Variants in COL12A1 observed in about 807,000 individuals in gnomAD.
COL12A1 encodes collagen alpha-1(XII) chain.
In COL12A1, 114 loss-of-function variants were observed where a neutral mutation model predicts 349.7. The ratio of observed to expected loss-of-function variants is 0.33; its 90% CI spans 0.28 to 0.38. COL12A1 has a LOEUF of 0.38. Ranked by LOEUF, COL12A1 falls within the 10% of genes least tolerant of loss-of-function variation. The pLI, the probability that COL12A1 is intolerant of heterozygous loss-of-function variation, is 1.00. For synonymous variants in COL12A1, 1,369 were observed against 1,329.0 expected (o/e 1.03, Z -0.66); for missense variants, 3,284 against 3,756.9 (o/e 0.87, Z 3.29).
At chr6:75,134,466 G>A (rs1401740703) in intron 32 of COL12A1, among the ~76,000 whole-genome samples, 1 of 151,940 alleles carries the variant, frequency 6.6e-6, no homozygotes, top group African/African-American at 2.4e-5. Flanking sequence ...AGCTATTCGG[G>A]AGCCTGAGAC....
In COL12A1 at chr6:75,110,052, G is replaced by A. The variant is rs753863060; in HGVS notation, c.7951-885C>T. On this transcript the variant is annotated intron_variant, in intron 51 of 65. Transcript: ENST00000322507. Reference sequence around the variant, plus strand: ...AATATTTTTCCCACATGGAATCACCGCCAAACCATAAGTTTACTGCATCTG... The same window carrying A: ...AATATTTTTCCCACATGGAATCACCACCAAACCATAAGTTTACTGCATCTG... 5.1e-4 allele frequency among the ~76,000 whole-genome samples: 78 copies of A among 151,854 alleles called. 1 individual carries two copies. Among genetic ancestry groups the A allele is most frequent in the Non-Finnish European group, 9.1e-4 (62 of 67,880 alleles).
At position 75,165,667 on chromosome 6, in the gene COL12A1, T is replaced by A. The variant is rs760141819; in HGVS notation, c.2823A>T (p.Ser941=). The A allele has an allele frequency of 3.1e-6, 5 of 1,614,024 alleles. No homozygotes were observed. The highest frequency in any genetic ancestry group is 8.5e-7 in the Non-Finnish European group (1 of 1,179,918). Residue 941 remains serine, a synonymous_variant, in exon 14 of 66, where the codon TCA becomes TCT. Coordinates refer to ENST00000322507, the MANE Select transcript of COL12A1 (RefSeq NM_004370.6). ...CTCCAGTGTCAACATCATCATAAAG[T>A]GATTTCCATGAGACCCTGTAACCGC... is the stretch of plus-strand genomic sequence containing the variant. ...MVRGYRVSWK[S]LYDDVDTGEK...
rs547647471 is a variant in COL12A1 at position 75,186,394 on chromosome 6, AAC to A, written c.997+1966_997+1967del. 4.2e-3 allele frequency among the ~76,000 whole-genome samples: 644 copies of A among 152,360 alleles called. 17 individuals are homozygous for A. The highest frequency in any genetic ancestry group is 2.2e-3 in the Non-Finnish European group (148 of 68,026). ...GTTCAACATTACTGATTATTAGAGA[AAC>A]ACAAATCAAAACCACAATGAGACAC... On this transcript the variant is annotated intron_variant, in intron 8 of 65. Transcript: ENST00000322507.
intron 39 of COL12A1, 58 bp downstream of exon 39, chr6:75,126,293 C>A (rs1766009942): frequency 2.6e-6 from 4 of 1,551,756 alleles, no homozygotes; most frequent in Admixed American, 3.5e-5. Flanking sequence ...AGAGAAAATA[C>A]CCTCATATGC....
At chr6:75,152,545 T>C (rs1490571255) in intron 17 of COL12A1, 63 bp from the exon 18 acceptor site, 1 of 1,570,024 alleles carries the variant, frequency 6.4e-7, no homozygotes. Flanking sequence ...TACTTCCTTG[T>C]CACACCTCTA....
chr6:75,168,270 C>T (rs992444733), intron 13 of COL12A1, among the ~76,000 whole-genome samples: 1 of 152,168 alleles, frequency 6.6e-6, no homozygotes, highest in African/African-American at 2.4e-5. Context: ...TATTCTGTTA[C>T]ATTACAACCA....
intron 41 of COL12A1, 72 bp from the exon 42 acceptor site, chr6:75,124,166 G>A: frequency 6.3e-7 from 1 of 1,594,556 alleles, no homozygotes; most frequent in Non-Finnish European, 8.6e-7. Flanking sequence ...ATATCGCATT[G>A]TTATAAACAA....
In COL12A1 at chr6:75,154,490, C is replaced by T; in HGVS notation, c.3491G>A (p.Gly1164Glu). Residue 1164 changes from glycine to glutamate, a missense_variant, in exon 17 of 66, where the codon GGA (glycine) becomes GAA (glutamate). Around this residue, in one of 2 missense-constraint regions of COL12A1, gnomAD observed 2,601 missense variants for 2,824.8 expected, o/e 0.92. Coordinates refer to ENST00000322507, the MANE Select transcript of COL12A1 (RefSeq NM_004370.6). ...TTGTCCAACAAGTGGTGAGCTTTCT[C>T]CTCCATCAAACATTCCAAAAACATT... ...KVNVFGMFDG[G>E]ESSPLVGQEM... The T allele has an allele frequency of 1.2e-6, 2 of 1,610,354 alleles. No individual in the cohort carries two copies. The highest frequency in any genetic ancestry group is 8.5e-7 in the Non-Finnish European group (1 of 1,177,610).
intron 10 of COL12A1, 45 bp downstream of exon 10, chr6:75,183,005 T>A: frequency 6.5e-7 from 1 of 1,531,996 alleles, no homozygotes; most frequent in Non-Finnish European, 8.7e-7. Flanking sequence ...AACCAAAAAT[T>A]CTTTGTTCAT....
chr6:75,173,349 T>C (rs10484915), intron 13 of COL12A1, among the ~76,000 whole-genome samples: 11,262 of 152,234 alleles, frequency 0.074, 709 homozygotes, highest in East Asian at 0.22. Flanking sequence ...TCATGGACTA[T>C]GGAAATTTAA....
chr6:75,189,852 A>C, intron 5 of COL12A1, 37 bp from the exon 6 acceptor site: 2 of 1,598,948 alleles, frequency 1.3e-6, no homozygotes, highest in Middle Eastern at 3.4e-4. Context: ...ATGATGCTTT[A>C]TTAAATCAAC....
At position 75,120,810 on chromosome 6, in the gene COL12A1, T is replaced by C. The variant is rs940252042; in HGVS notation, c.7086+492A>G. ...AGAGCAAGATAATTGGTAGTTATCC[T>C]TTTAAAAAAACAAATGAAATACGCT... On this transcript the variant is annotated intron_variant, in intron 44 of 65. Transcript: ENST00000322507. Among the ~76,000 whole-genome samples the C allele has an allele frequency of 2.6e-5, 4 of 152,338 alleles. No individual in the cohort carries two copies. In the East Asian group the frequency reaches 7.7e-4, roughly 29 times the overall value.
intron 14 of COL12A1, among the ~76,000 whole-genome samples, chr6:75,161,859 A>C (rs1029602105): frequency 2.0e-5 from 3 of 152,220 alleles, no homozygotes; most frequent in Non-Finnish European, 4.4e-5. Flanking sequence ...TTATACACCA[A>C]TAACAGACAA....
At chr6:75,088,652 T>C (rs1419196614) in intron 64 of COL12A1, among the ~76,000 whole-genome samples, 1 of 152,088 alleles carries the variant, frequency 6.6e-6, no homozygotes, top group Non-Finnish European at 1.5e-5. Flanking sequence ...GTTATGGAGG[T>C]TGAACTTCTT....
chr6:75,097,169 T>C (rs1768083006), intron 59 of COL12A1, 84 bp downstream of exon 59: 12 of 1,096,776 alleles, frequency 1.1e-5, no homozygotes, highest in Non-Finnish European at 1.5e-5. Flanking sequence ...ACAGATGGAA[T>C]GTGCTTCAAA....
chr6:75,106,348 C>T (rs1768543770), intron 53 of COL12A1, 71 bp downstream of exon 53: 1 of 1,322,256 alleles, frequency 7.6e-7, no homozygotes, highest in Non-Finnish European at 1.1e-6. Flanking sequence ...GCTACTTCCT[C>T]TCCCAGGCAC....
In COL12A1 at chr6:75,123,942, A is replaced by T; in HGVS notation, c.6871+6T>A. 1 of 1,598,400 alleles carries T rather than the reference A, an allele frequency of 6.3e-7. No homozygotes were observed. The highest frequency in any genetic ancestry group is 8.6e-7 in the Non-Finnish European group (1 of 1,169,416). On this transcript the variant is annotated splice_donor_region_variant and intron_variant, in intron 42 of 65. Coordinates refer to ENST00000322507, the MANE Select transcript of COL12A1 (RefSeq NM_004370.6). The stretch of plus-strand genomic sequence containing the variant: ...TGAAAGCTTTCCAGATTCCTCAAAA[A>T]CTTACTGGTATGTTCTTTAACAGAG...
Position 75,181,108 on chromosome 6 carries a change from G to T in COL12A1, c.1995C>A (p.Thr665=). The T allele has an allele frequency of 6.2e-7, 1 of 1,613,852 alleles. No homozygotes were observed. Among genetic ancestry groups the T allele is most frequent in the South Asian group, 1.1e-5 (1 of 91,064 alleles). Residue 665 remains threonine (T), a synonymous_variant, in exon 11 of 66, where the codon ACC becomes ACA. Transcript: ENST00000322507. ...AGENVFSYHI[T]YKEAAGDDEV... ...CATCATCCCCAGCCGCTTCCTTGTA[G>T]GTGATGTGATATGAAAAAACATTTT... is the stretch of plus-strand genomic sequence containing the variant.
intron 1 of COL12A1, among the ~76,000 whole-genome samples, chr6:75,205,557 C>T (rs370131255): frequency 2.0e-5 from 3 of 152,122 alleles, no homozygotes; most frequent in African/African-American, 7.2e-5. Context: ...TTGCTCAGCT[C>T]TTAAGAAAAG....
Sources: gnomAD v4.1 joint callset for allele counts (sites outside exome capture counted in the v4.1 genomes callset) on GRCh38, gnomAD v4.1.1 for gene constraint, gnomAD v4.1.1 regional missense constraint, MANE v1.5 for transcripts, NCBI Gene and HGNC (gene_info 2026-07-23, HGNC 2026-07-21) for gene names.